Variants in EEFSEC observed in about 807,000 individuals in gnomAD.
EEFSEC encodes the protein selenocysteine-specific elongation factor.
A neutral mutation model predicts 42.1 loss-of-function variants in EEFSEC; 43 were observed. The observed-to-expected ratio is 1.02, with a 90% CI of 0.80 to 1.32. EEFSEC has a LOEUF of 1.32. Ranked by LOEUF, EEFSEC falls within the 40% of genes most tolerant of loss-of-function variation. The probability of loss-of-function intolerance (pLI) is 0.00; values close to 1 mark genes in which losing one functional copy is unlikely to be tolerated. For synonymous variants in EEFSEC, 354 were observed against 339.1 expected (o/e 1.04, Z -0.48); for missense variants, 745 against 803.6 (o/e 0.93, Z 0.88).
chr3:128,389,309 G>GA (rs1288516456), intron 6 of EEFSEC, among the ~76,000 whole-genome samples: 2 of 152,350 alleles, frequency 1.3e-5, no homozygotes, highest in Non-Finnish European at 2.9e-5. Flanking sequence ...GTTGGGGATG[G>GA]GCGGGCATAA....
chr3:128,283,268 T>C (rs77164246), intron 4 of EEFSEC, among the ~76,000 whole-genome samples: 2,358 of 152,230 alleles, frequency 0.015, 61 homozygotes, highest in African/African-American at 0.052. Flanking sequence ...CCAGGTCTCA[T>C]TGAAGGGAGG....
chr3:128,327,350 T>C (rs1160869062), intron 4 of EEFSEC, among the ~76,000 whole-genome samples: 5 of 146,784 alleles, frequency 3.4e-5, no homozygotes, highest in Admixed American at 1.4e-4. Context: ...TCATTGTCAT[T>C]CCAGACCCAA....
At chr3:128,164,086 C>G (rs1261999733) in intron 1 of EEFSEC, among the ~76,000 whole-genome samples, 1 of 152,134 alleles carries the variant, frequency 6.6e-6, no homozygotes, top group Non-Finnish European at 1.5e-5. Flanking sequence ...TGTGCCTGGC[C>G]CATGGAGACA....
intron 4 of EEFSEC, among the ~76,000 whole-genome samples, chr3:128,339,699 G>A (rs1352106999): frequency 2.0e-5 from 3 of 152,316 alleles, no homozygotes; most frequent in East Asian, 1.9e-4. Context: ...TGTGGGGCCC[G>A]AGCCTTGACC....
intron 4 of EEFSEC, among the ~76,000 whole-genome samples, chr3:128,313,750 T>C (rs1269706971): frequency 1.3e-5 from 2 of 152,220 alleles, no homozygotes; most frequent in Admixed American, 6.5e-5. Context: ...TGTGGACATA[T>C]ATGAATGTAG....
In EEFSEC at chr3:128,200,664, A is replaced by G. The variant is rs1576540491; in HGVS notation, c.317-46172A>G. Among the ~76,000 whole-genome samples the G allele has an allele frequency of 2.0e-5, 3 of 152,370 alleles. No homozygotes were observed. The East Asian group carries it at 5.8e-4, about 29-fold the overall frequency. On this transcript the variant is annotated intron_variant, in intron 1 of 6. Transcript: ENST00000254730. ...CTTGGGCAGGTAAGGAAAGAATGCT[A>G]GCTGAAACGATGGGGAGAATTATGT...
At chr3:128,170,637 T>C (rs2065286949) in intron 1 of EEFSEC, among the ~76,000 whole-genome samples, 1 of 152,192 alleles carries the variant, frequency 6.6e-6, no homozygotes, top group Admixed American at 6.5e-5. Context: ...TTGCCAACTT[T>C]TGAGGATTTG....
chr3:128,188,517 G>T (rs2065487593), intron 1 of EEFSEC, among the ~76,000 whole-genome samples: 1 of 152,156 alleles, frequency 6.6e-6, no homozygotes, highest in African/African-American at 2.4e-5. Context: ...GGCGGCCTTG[G>T]TATTGTTGAC....
chr3:128,378,926 C>T lies in EEFSEC; in HGVS notation c.1600+20553C>T, dbSNP rs1023903450. On this transcript the variant is annotated intron_variant, in intron 6 of 6. Coordinates refer to ENST00000254730, the MANE Select transcript of EEFSEC (RefSeq NM_021937.5). ...GCATTCCACTGGGTTCTGTCCCACA[C>T]AGCTGACTGGTCGGCCAGGGAGACT... is the stretch of plus-strand genomic sequence containing the variant. 3.3e-5 allele frequency among the ~76,000 whole-genome samples: 5 copies of T among 152,254 alleles called. No individual in the cohort carries two copies. The East Asian group carries it at 9.6e-4, about 29-fold the overall frequency.
downstream of EEFSEC, among the ~76,000 whole-genome samples, chr3:128,410,786 A>G (rs1312005325): frequency 6.6e-6 from 1 of 152,056 alleles, no homozygotes; most frequent in African/African-American, 2.4e-5. Flanking sequence ...AGGAAGTGAC[A>G]CCAGCCCCAA....
At chr3:128,381,267 A>G (rs2067772901) in intron 6 of EEFSEC, among the ~76,000 whole-genome samples, 1 of 152,248 alleles carries the variant, frequency 6.6e-6, no homozygotes, top group African/African-American at 2.4e-5. Flanking sequence ...ACAGCTCTGC[A>G]GCCTGTGAAG....
chr3:128,299,223 C>A (rs1576619177), intron 4 of EEFSEC, among the ~76,000 whole-genome samples: 1 of 152,172 alleles, frequency 6.6e-6, no homozygotes, highest in Non-Finnish European at 1.5e-5. Flanking sequence ...ACATCCTCAC[C>A]AGTATCCATT....
intron 6 of EEFSEC, among the ~76,000 whole-genome samples, chr3:128,361,788 G>A (rs565202914): frequency 6.6e-6 from 1 of 152,324 alleles, no homozygotes; most frequent in South Asian, 2.1e-4. Context: ...TGTACTTCAT[G>A]GGAGGATAGG....
intron 6 of EEFSEC, among the ~76,000 whole-genome samples, chr3:128,405,915 A>G (rs1156354738): frequency 6.6e-6 from 1 of 152,172 alleles, no homozygotes; most frequent in Non-Finnish European, 1.5e-5. Flanking sequence ...CAGGCAGGGT[A>G]TGGGCTGCCT....
intron 1 of EEFSEC, among the ~76,000 whole-genome samples, chr3:128,165,704 G>C (rs560420953): frequency 6.6e-6 from 1 of 152,206 alleles, no homozygotes; most frequent in African/African-American, 2.4e-5. Context: ...CCATGCACAG[G>C]TGCTGCTTAA....
chr3:128,385,404 C>T (rs900736155), intron 6 of EEFSEC, among the ~76,000 whole-genome samples: 14 of 152,218 alleles, frequency 9.2e-5, no homozygotes, highest in Non-Finnish European at 1.9e-4. Flanking sequence ...CCTGGGAATG[C>T]AGGCCCACAT....
In EEFSEC at chr3:128,408,307, C is replaced by T. The variant is rs770081477; in HGVS notation, c.*48C>T. 20 of 1,491,332 alleles carry T rather than the reference C, an allele frequency of 1.3e-5. No individual in the cohort carries two copies. The highest frequency in any genetic ancestry group is 1.6e-5 in the Non-Finnish European group (18 of 1,114,600). 92.4% of individuals were successfully genotyped at this position (1,491,332 alleles called of 1,614,324 possible). A position where few individuals can be genotyped will look rare whatever the true frequency, so the allele number is the denominator to read the frequency against. On this transcript the variant is annotated 3_prime_UTR_variant, in exon 7 of 7. Transcript: ENST00000254730. ...GCCTCCTTGCCCAGCCCAGTCCAGG[C>T]TGCTGTGCCAAATCCCAACCAGCCA...
At chr3:128,319,925 C>T (rs1446703489) in intron 4 of EEFSEC, among the ~76,000 whole-genome samples, 4 of 152,250 alleles carry the variant, frequency 2.6e-5, no homozygotes, top group East Asian at 1.9e-4. Context: ...TGGCCCCTGG[C>T]GTGTGTACAG....
rs115613916 is a variant in EEFSEC, at chr3:128,284,097, G to A, written c.786+19316G>A. ...TGAGCCTTGGCAGAGTCATACCACC[G>A]TGCTGCTGTGGCACCTCCAGCCCTC... On this transcript the variant is annotated intron_variant, in intron 4 of 6. Transcript: ENST00000254730. Among the ~76,000 whole-genome samples the A allele has an allele frequency of 2.6e-3, 401 of 152,210 alleles. 1 individual carries two copies. The highest frequency in any genetic ancestry group is 6.8e-3 in the Middle Eastern group (2 of 294).
Sources: allele counts gnomAD v4.1 joint callset (sites outside exome capture counted in the v4.1 genomes callset), GRCh38; gene constraint gnomAD v4.1.1; transcripts MANE v1.5; gene names NCBI Gene and HGNC (gene_info 2026-07-23, HGNC 2026-07-21).